Variants in FCHO2 observed in about 807,000 individuals in gnomAD.
The protein encoded by FCHO2 is F-BAR domain only protein 2.
In FCHO2, 43 loss-of-function variants were observed where a neutral mutation model predicts 114.1. The ratio of observed to expected loss-of-function variants is 0.38; its 90% CI spans 0.30 to 0.49. FCHO2 has a LOEUF of 0.49. Ranked by LOEUF, FCHO2 falls within the 20% of genes least tolerant of loss-of-function variation. The pLI is 0.97. For synonymous variants in FCHO2, 293 were observed against 315.2 expected (o/e 0.93, Z 0.75); for missense variants, 807 against 950.4 (o/e 0.85, Z 1.98).
chr5:72,980,898 A>G lies in FCHO2; in HGVS notation c.126-8529A>G, dbSNP rs541426398. Among the ~76,000 whole-genome samples the G allele has an allele frequency of 2.6e-5, 4 of 152,152 alleles. No individual in the cohort carries two copies. In the East Asian group the frequency reaches 7.7e-4, roughly 29 times the overall value. ...CCAGTGAGTCTTGACTCTTCATCCA[A>G]TTTGCGAGTCTTTGTCTTTTAATTG... On this transcript the variant is annotated intron_variant, in intron 2 of 25. Transcript: ENST00000430046.
At chr5:72,997,535 C>G in intron 5 of FCHO2, 1 of 1,341,962 alleles carries the variant, frequency 7.5e-7, no homozygotes, top group African/African-American at 1.4e-5. Flanking sequence ...GTTCAGTGAC[C>G]CCAGTGACAC....
intron 1 of FCHO2, among the ~76,000 whole-genome samples, chr5:72,956,822 T>C (rs1182004033): frequency 6.6e-6 from 1 of 151,960 alleles, no homozygotes; most frequent in Non-Finnish European, 1.5e-5. Context: ...TTTCCACCCC[T>C]TGTCTTAGCT....
intron 1 of FCHO2, among the ~76,000 whole-genome samples, chr5:72,961,093 T>C (rs992855750): frequency 6.6e-6 from 1 of 152,168 alleles, no homozygotes; most frequent in Admixed American, 6.5e-5. Context: ...TAAAATTAAA[T>C]TGAAACATTG....
At chr5:73,041,926 C>G (rs1168368761) in intron 11 of FCHO2, among the ~76,000 whole-genome samples, 5 of 152,038 alleles carry the variant, frequency 3.3e-5, no homozygotes, top group Non-Finnish European at 2.9e-5. Flanking sequence ...CAAAACTGTT[C>G]ATTAGATACC....
At chr5:73,009,021 A>G (rs139792216) in intron 6 of FCHO2, among the ~76,000 whole-genome samples, 4 of 152,344 alleles carry the variant, frequency 2.6e-5, no homozygotes, top group African/African-American at 9.6e-5. Context: ...TGGGGAAGAA[A>G]GGGCCTCAGG....
At position 72,990,471 on chromosome 5, in the gene FCHO2, T is replaced by A; in HGVS notation, c.201-7T>A. 1 of 1,497,442 alleles carries A rather than the reference T, an allele frequency of 6.7e-7. No homozygotes were observed. Among genetic ancestry groups the A allele is most frequent in the East Asian group, 2.5e-5 (1 of 39,454 alleles). The allele number at this position is 1,497,442 out of a possible 1,614,324, so 92.8% of individuals were successfully genotyped here. On this transcript the variant is annotated splice_region_variant and splice_polypyrimidine_tract_variant and intron_variant, in intron 3 of 25. Transcript: ENST00000430046. ...ATAAGTTATTCCCATATTTTTTATT[T>A]TCTTAGAACATTTGCACCAGTATGG...
chr5:72,974,551 G>C (rs1302760095), intron 2 of FCHO2, among the ~76,000 whole-genome samples: 2 of 150,968 alleles, frequency 1.3e-5, no homozygotes, highest in Non-Finnish European at 3.0e-5. Context: ...TTTTCCATTT[G>C]CTTGGTAGAT....
chr5:72,990,470 TTTC>T lies in FCHO2; in HGVS notation c.201-5_201-3del. On this transcript the variant is annotated splice_polypyrimidine_tract_variant and splice_region_variant and intron_variant, in intron 3 of 25. Coordinates refer to ENST00000430046, the MANE Select transcript of FCHO2 (RefSeq NM_138782.3). The stretch of plus-strand genomic sequence containing the variant: ...AATAAGTTATTCCCATATTTTTTAT[TTTC>T]TTAGAACATTTGCACCAGTATGGGA... 1 of 1,496,444 alleles carries T rather than the reference TTTC, an allele frequency of 6.7e-7. No homozygotes were observed. The highest frequency in any genetic ancestry group is 8.9e-7 in the Non-Finnish European group (1 of 1,127,502). The allele number at this position is 1,496,444 out of a possible 1,614,324, so 92.7% of individuals were successfully genotyped here. A position where few individuals can be genotyped will look rare whatever the true frequency, so the allele number is the denominator to read the frequency against.
rs1580003149 is a variant in FCHO2, at chr5:72,966,250, T to C, written c.34-2248T>C. On this transcript the variant is annotated intron_variant, in intron 1 of 25. Coordinates refer to ENST00000430046, the MANE Select transcript of FCHO2 (RefSeq NM_138782.3). ...TTTAAAAAACTGAATGCTATCCAGG[T>C]TTTTTATTTTTAGTGTCTAATTTAC... 4.6e-5 allele frequency among the ~76,000 whole-genome samples: 7 copies of C among 152,202 alleles called. No individual in the cohort carries two copies. The South Asian group carries it at 1.5e-3, about 32-fold the overall frequency.
intron 5 of FCHO2, among the ~76,000 whole-genome samples, chr5:73,002,919 G>A (rs551291399): frequency 9.9e-5 from 15 of 152,230 alleles, no homozygotes; most frequent in East Asian, 1.9e-4. Flanking sequence ...AACCTGCTAG[G>A]TGTTTGTCTC....
At chr5:72,993,715 A>C (rs1753928409) in intron 5 of FCHO2, among the ~76,000 whole-genome samples, 1 of 152,212 alleles carries the variant, frequency 6.6e-6, no homozygotes, top group Non-Finnish European at 1.5e-5. Context: ...TTGATATTTC[A>C]GTTAACAGAC....
At chr5:73,061,495 G>C (rs904217691) in intron 17 of FCHO2, among the ~76,000 whole-genome samples, 1 of 151,914 alleles carries the variant, frequency 6.6e-6, no homozygotes, top group African/African-American at 2.4e-5. Context: ...TTGTAGAGCA[G>C]AGTAGGAACT....
In FCHO2 at chr5:73,068,768, C is replaced by T. The variant is rs1439276361; in HGVS notation, c.1568C>T (p.Thr523Ile). The part of the protein sequence containing the change: ...SSSASLSAAN[T>I]PTVGVSRGPS... ...TCTGCTTCATTGAGTGCTGCCAATA[C>T]TCCAACAGTAGGTAAGTGATTATCA... Residue 523 changes from threonine to isoleucine, a missense_variant, in exon 19 of 26, where the codon ACT becomes ATT. Coordinates refer to ENST00000430046, the MANE Select transcript of FCHO2 (RefSeq NM_138782.3). 1.7e-5 allele frequency: 27 copies of T among 1,611,510 alleles called. No individual in the cohort carries two copies. Among genetic ancestry groups the T allele is most frequent in the Non-Finnish European group, 2.3e-5 (27 of 1,178,604 alleles).
chr5:72,963,611 C>CTGA (rs1177477096), intron 1 of FCHO2, among the ~76,000 whole-genome samples: 2 of 151,996 alleles, frequency 1.3e-5, no homozygotes, highest in Non-Finnish European at 2.9e-5. Context: ...GGCCCCATCA[C>CTGA]CATCATAGCT....
chr5:73,071,190 A>G (rs1742629955), intron 19 of FCHO2, among the ~76,000 whole-genome samples: 1 of 152,040 alleles, frequency 6.6e-6, no homozygotes. Context: ...CTATAAAAAC[A>G]CGATATTTTT....
intron 18 of FCHO2, among the ~76,000 whole-genome samples, chr5:73,066,728 G>C (rs1376289983): frequency 2.6e-5 from 4 of 151,900 alleles, no homozygotes; most frequent in African/African-American, 9.7e-5. Flanking sequence ...CCAACGTGCA[G>C]TACCAGATCA....
At chr5:72,996,686 T>C (rs1754125142) in intron 5 of FCHO2, among the ~76,000 whole-genome samples, 1 of 152,178 alleles carries the variant, frequency 6.6e-6, no homozygotes, top group South Asian at 2.1e-4. Flanking sequence ...CCAGCCCATG[T>C]GGGCCCCCGC....
intron 22 of FCHO2, among the ~76,000 whole-genome samples, chr5:73,080,065 T>A (rs999079603): frequency 6.6e-6 from 1 of 152,302 alleles, no homozygotes; most frequent in Middle Eastern, 3.4e-3. Flanking sequence ...TTAAACACAA[T>A]CAGTATTTAA....
intron 11 of FCHO2, among the ~76,000 whole-genome samples, chr5:73,044,440 A>T (rs1019695504): frequency 6.6e-6 from 1 of 152,128 alleles, no homozygotes; most frequent in Non-Finnish European, 1.5e-5. Flanking sequence ...ATGTCTCACT[A>T]TGTTATCCAG....
Sources: allele counts gnomAD v4.1 joint callset (sites outside exome capture counted in the v4.1 genomes callset), GRCh38; gene constraint gnomAD v4.1.1; transcripts MANE v1.5; gene names NCBI Gene and HGNC (gene_info 2026-07-23, HGNC 2026-07-21).